COLEC11: variants seen among roughly 807,000 people sequenced by gnomAD.
COLEC11 encodes the protein collectin-11.
A neutral mutation model predicts 27.3 loss-of-function variants in COLEC11; 20 were observed. The ratio of observed to expected loss-of-function variants is 0.73; its 90% CI spans 0.51 to 1.06. COLEC11 has a LOEUF of 1.06. Ranked by LOEUF, COLEC11 falls within the 50% of genes least tolerant of loss-of-function variation. The probability of loss-of-function intolerance (pLI) is 0.00; values close to 1 mark genes in which losing one functional copy is unlikely to be tolerated. For synonymous variants in COLEC11, 163 were observed against 154.7 expected, an observed-to-expected ratio of 1.05 and a Z score of -0.40; for missense variants, 310 against 383.0, an observed-to-expected ratio of 0.81 and a Z score of 1.59.
At position 3,643,809 on chromosome 2, in the gene COLEC11, C is replaced by T. The variant is rs267599363; in HGVS notation, c.507C>T (p.Ser169=). ...EEKRYADAQL[S]CQGRGGTLSM... is the part of the protein sequence containing the mutation. ...AGCGCTACGCGGACGCCCAGCTGTC[C>T]TGCCAGGGCCGCGGGGGCACGCTGA... The change falls in exon 7 of 7, where the codon TCC becomes TCT. Residue 169 remains serine (S), a synonymous_variant. Coordinates refer to ENST00000349077, the MANE Select transcript of COLEC11 (RefSeq NM_024027.5). 6 of 1,613,564 alleles carry T rather than the reference C, an allele frequency of 3.7e-6. No individual in the cohort carries two copies. Among genetic ancestry groups the T allele is most frequent in the Admixed American group, 1.7e-5 (1 of 60,034 alleles).
intron 2 of COLEC11, 124 bp downstream of exon 2, chr2:3,604,594 G>T (rs1662491225): frequency 9.4e-7 from 1 of 1,069,314 alleles, no homozygotes; most frequent in Non-Finnish European, 1.4e-6. Context: ...ACCCCATTGG[G>T]TCTCAGTTTC....
chr2:3,639,738 G>T (rs1022436182), intron 4 of COLEC11, among the ~76,000 whole-genome samples: 2 of 148,768 alleles, frequency 1.3e-5, no homozygotes, highest in African/African-American at 2.6e-5. Flanking sequence ...CTAACTGGAG[G>T]TTGGGTCCAG....
At chr2:3,627,522 G>T (rs1418443681) in intron 3 of COLEC11, among the ~76,000 whole-genome samples, 1 of 151,406 alleles carries the variant, frequency 6.6e-6, no homozygotes, top group Non-Finnish European at 1.5e-5. Context: ...AATAACGGTA[G>T]ATCGGGGCAT....
rs577162862 is a variant in COLEC11 at position 3,636,412 on chromosome 2, G to A, written c.203-1121G>A. ...GGAGCTTGCAGTGAGCTGAGATTGC[G>A]CCACTGCACTCCAGCCTGGGTGACA... On this transcript the variant is annotated intron_variant, in intron 3 of 6. Transcript: ENST00000349077. Among the ~76,000 whole-genome samples the A allele has an allele frequency of 1.3e-3, 202 of 152,144 alleles. 2 individuals carry two copies. Among genetic ancestry groups the A allele is most frequent in the African/African-American group, 4.7e-3 (195 of 41,500 alleles).
At chr2:3,637,506 C>T (rs1665514232) in intron 3 of COLEC11, 27 bp from the exon 4 acceptor site, 2 of 1,606,474 alleles carry the variant, frequency 1.2e-6, no homozygotes, top group South Asian at 1.1e-5. Context: ...GTGCATCGAC[C>T]AACTTTGCTC....
At position 3,606,077 on chromosome 2, in the gene COLEC11, G is replaced by C. The variant is rs927842392; in HGVS notation, c.130+1607G>C. The C allele has an allele frequency of 3.2e-6, 5 of 1,549,742 alleles. No individual in the cohort carries two copies. The African/African-American group carries it at 6.8e-5, about 21-fold the overall frequency. ...CAGAAGTTTTGGTGAAAGTGGCTTT[G>C]GCCCTGACTTTGTGGTAGCGTGTGT... On this transcript the variant is annotated intron_variant, in intron 2 of 6. Transcript: ENST00000349077.
chr2:3,641,720 G>C (rs971173695), intron 5 of COLEC11, among the ~76,000 whole-genome samples: 4 of 152,190 alleles, frequency 2.6e-5, no homozygotes, highest in African/African-American at 7.2e-5. Flanking sequence ...GTGAGTGGAG[G>C]GGGGGTGTCT....
intron 1 of COLEC11, among the ~76,000 whole-genome samples, chr2:3,599,460 G>T (rs534420020): frequency 1.4e-4 from 21 of 152,338 alleles, no homozygotes; most frequent in African/African-American, 4.8e-4. Context: ...TCCCTGGACT[G>T]GGAGCCCATG....
intron 3 of COLEC11, among the ~76,000 whole-genome samples, chr2:3,630,384 T>C (rs1664912294): frequency 6.6e-6 from 1 of 152,224 alleles, no homozygotes; most frequent in African/African-American, 2.4e-5. Flanking sequence ...TTTCTCAATA[T>C]AAGCACCATG....
intron 1 of COLEC11, chr2:3,603,833 G>T: frequency 4.7e-6 from 3 of 640,364 alleles, no homozygotes; most frequent in Non-Finnish European, 8.2e-6. Context: ...CTAAGGAGAT[G>T]TGGGGGCGTG....
At chr2:3,607,491 A>G (rs1387406101) in intron 2 of COLEC11, among the ~76,000 whole-genome samples, 1 of 104,760 alleles carries the variant, frequency 9.5e-6, no homozygotes, top group Non-Finnish European at 1.9e-5. Context: ...CTTGTTGCCC[A>G]GGCTGGAGTG....
At chr2:3,619,995 G>A (rs1056303856) in intron 3 of COLEC11, among the ~76,000 whole-genome samples, 1 of 152,190 alleles carries the variant, frequency 6.6e-6, no homozygotes. Context: ...TTGCATCTGT[G>A]TTCATCAGGG....
At chr2:3,616,089 GTCGGGCAGAGACACT>G in intron 3 of COLEC11, among the ~76,000 whole-genome samples, 1 of 151,376 alleles carries the variant, frequency 6.6e-6, no homozygotes, top group Non-Finnish European at 1.5e-5. Flanking sequence ...CGGGGTGGCG[GTCGGGCAGAGACACT>G]CCTCAGATAC....
chr2:3,629,209 C>T (rs1424570953), intron 3 of COLEC11, among the ~76,000 whole-genome samples: 1 of 152,218 alleles, frequency 6.6e-6, no homozygotes, highest in Non-Finnish European at 1.5e-5. Context: ...AAGTCAGCTA[C>T]AGAAAAGGTT....
chr2:3,600,062 CT>C lies in COLEC11; in HGVS notation c.-26-4251del, dbSNP rs529774057. Among the ~76,000 whole-genome samples the C allele has an allele frequency of 3.3e-5, 5 of 151,924 alleles. No homozygotes were observed. In the South Asian group the frequency reaches 1.0e-3, roughly 32 times the overall value. The stretch of plus-strand genomic sequence containing the variant: ...CATTCTAGCCAACACGGTGAAACCC[CT>C]TCTCTACTAAAAATACACAAAATTA... On this transcript the variant is annotated intron_variant, in intron 1 of 6. Coordinates refer to ENST00000349077, the MANE Select transcript of COLEC11 (RefSeq NM_024027.5).
At chr2:3,642,992 G>A (rs1359252401) in intron 5 of COLEC11, among the ~76,000 whole-genome samples, 2 of 152,192 alleles carry the variant, frequency 1.3e-5, no homozygotes, top group East Asian at 3.8e-4. Context: ...GCAATGGAAT[G>A]GCCCCACCAC....
At chr2:3,600,257 A>G (rs1416805768) in intron 1 of COLEC11, among the ~76,000 whole-genome samples, 1 of 147,550 alleles carries the variant, frequency 6.8e-6, no homozygotes, top group African/African-American at 2.5e-5. Context: ...AAAAAGCAAA[A>G]CTCAAAAGCA....
At chr2:3,628,919 G>A (rs961836033) in intron 3 of COLEC11, among the ~76,000 whole-genome samples, 1 of 152,206 alleles carries the variant, frequency 6.6e-6, no homozygotes, top group Non-Finnish European at 1.5e-5. Flanking sequence ...CGTGCCCAGT[G>A]TGCCGGGTGC....
rs769978108 is a variant in COLEC11 at position 3,643,829 on chromosome 2, C to T, written c.527C>T (p.Thr176Met). ...CTGTCCTGCCAGGGCCGCGGGGGCACGCTGAGCATGCCCAAGGACGAGGCT... is the reference window on the plus strand; with the variant it reads ...CTGTCCTGCCAGGGCCGCGGGGGCATGCTGAGCATGCCCAAGGACGAGGCT... ...AQLSCQGRGG[T>M]LSMPKDEAAN... The change falls in exon 7 of 7, where the codon ACG becomes ATG. Residue 176 changes from threonine (T) to methionine (M), a missense_variant. Coordinates refer to ENST00000349077, the MANE Select transcript of COLEC11 (RefSeq NM_024027.5). 1.5e-5 allele frequency: 24 copies of T among 1,613,412 alleles called. No individual in the cohort carries two copies. In the East Asian group the frequency reaches 1.6e-4, roughly 10 times the overall value.
Sources: gnomAD v4.1 joint callset for allele counts (sites outside exome capture counted in the v4.1 genomes callset) on GRCh38, gnomAD v4.1.1 for gene constraint, MANE v1.5 for transcripts, NCBI Gene and HGNC (gene_info 2026-07-23, HGNC 2026-07-21) for gene names.